The following SORT1 variants were observed in gnomAD, a reference collection of about 807,000 sequenced individuals.
SORT1 encodes the protein sortilin.
A neutral mutation model predicts 101.7 loss-of-function variants in SORT1; 39 were observed. The ratio of observed to expected loss-of-function variants is 0.38; its 90% confidence interval spans 0.30 to 0.50. SORT1 has a LOEUF of 0.50. Among genes scored for constraint, SORT1 ranks in the 20% least tolerant of loss-of-function variants. The pLI, the probability that SORT1 is intolerant of heterozygous loss-of-function variation, is 0.90. For synonymous variants in SORT1, 396 were observed against 393.7 expected (o/e 1.01, Z -0.07); for missense variants, 878 against 1,040.4 (o/e 0.84, Z 2.15).
At chr1:109,360,063 A>C (rs538480953) in intron 3 of SORT1, among the ~76,000 whole-genome samples, 1 of 152,316 alleles carries the variant, frequency 6.6e-6, no homozygotes, top group Non-Finnish European at 1.5e-5. Context: ...AAATACAGGC[A>C]AACTTCATGA....
chr1:109,317,002 T>C, intron 16 of SORT1, 44 bp from the exon 17 acceptor site: 1 of 1,231,350 alleles, frequency 8.1e-7, no homozygotes, highest in Non-Finnish European at 1.2e-6. Flanking sequence ...AAGGATGTAT[T>C]CCTGGGTACC....
intron 16 of SORT1, 49 bp downstream of exon 16, chr1:109,317,804 G>T: frequency 1.6e-6 from 2 of 1,232,850 alleles, no homozygotes; most frequent in Non-Finnish European, 1.2e-6. Context: ...CTTTCACTCT[G>T]AACAAGAACA....
intron 1 of SORT1, among the ~76,000 whole-genome samples, chr1:109,391,324 G>C (rs546075890): frequency 1.3e-5 from 2 of 152,236 alleles, no homozygotes; most frequent in South Asian, 4.2e-4. Context: ...AGTTTGACTG[G>C]GAAGTCAAAC....
rs11102970 is a variant in SORT1, at chr1:109,327,783, T to C, written c.1372-182A>G. 6.6e-3 allele frequency among the ~76,000 whole-genome samples: 1,008 copies of C among 152,346 alleles called. 9 individuals are homozygous for C. The highest frequency in any genetic ancestry group is 6.6e-3 in the Admixed American group (101 of 15,304). Reference sequence around the variant, plus strand: ...GTAGTGTTAAGTATATTCACATTGTTGTACAACCACATCTCTAAACTTTTT... The same window carrying C: ...GTAGTGTTAAGTATATTCACATTGTCGTACAACCACATCTCTAAACTTTTT... On this transcript the variant is annotated intron_variant, in intron 11 of 19. Transcript: ENST00000256637.
At chr1:109,356,838 C>A (rs563549935) in intron 3 of SORT1, among the ~76,000 whole-genome samples, 8 of 152,288 alleles carry the variant, frequency 5.3e-5, no homozygotes, top group African/African-American at 1.9e-4. Context: ...GCTGTCTAAC[C>A]CTGACAGGTT....
intron 11 of SORT1, among the ~76,000 whole-genome samples, chr1:109,335,254 A>G (rs1648732318): frequency 6.6e-6 from 1 of 152,142 alleles, no homozygotes; most frequent in African/African-American, 2.4e-5. Flanking sequence ...AGGCCAAGAG[A>G]GCCACAACGA....
chr1:109,352,642 C>G (rs1192203666), intron 5 of SORT1, among the ~76,000 whole-genome samples: 1 of 152,158 alleles, frequency 6.6e-6, no homozygotes, highest in African/African-American at 2.4e-5. Context: ...CCTGGTAATA[C>G]TCACATCCTA....
intron 3 of SORT1, among the ~76,000 whole-genome samples, chr1:109,362,132 G>A (rs533453106): frequency 6.6e-6 from 1 of 152,184 alleles, no homozygotes; most frequent in East Asian, 1.9e-4. Context: ...TAGTGCTATT[G>A]GCCATGAATT....
intron 3 of SORT1, among the ~76,000 whole-genome samples, chr1:109,359,548 G>A (rs1263133908): frequency 1.3e-5 from 2 of 152,126 alleles, no homozygotes; most frequent in Non-Finnish European, 2.9e-5. Flanking sequence ...TACCCAGGCT[G>A]GAGTGCAATG....
intron 10 of SORT1, 90 bp downstream of exon 10, chr1:109,340,634 C>A: frequency 7.5e-7 from 1 of 1,325,714 alleles, no homozygotes; most frequent in Non-Finnish European, 1.1e-6. Flanking sequence ...GCTTGGCAAG[C>A]AACATTACTA....
chr1:109,313,504 G>A lies in SORT1; in HGVS notation c.*539C>T, dbSNP rs1310258596. The A allele has an allele frequency of 6.4e-6, 1 of 155,202 alleles. No homozygotes were observed. The highest frequency in any genetic ancestry group is 2.4e-5 in the African/African-American group (1 of 41,438). The allele number at this position is 155,202 out of a possible 1,614,324, so 9.6% of individuals were successfully genotyped here. ...GTAAGTGGGATCTGTGTGAGGAGCTGGTGTGCAGTGTTCTTGGAGTAGGAC... is the reference window on the plus strand; with the variant it reads ...GTAAGTGGGATCTGTGTGAGGAGCTAGTGTGCAGTGTTCTTGGAGTAGGAC... On this transcript the variant is annotated 3_prime_UTR_variant, in exon 20 of 20. Transcript: ENST00000256637.
intron 3 of SORT1, among the ~76,000 whole-genome samples, chr1:109,360,819 A>G (rs925322846): frequency 6.6e-6 from 1 of 152,098 alleles, no homozygotes; most frequent in Non-Finnish European, 1.5e-5. Flanking sequence ...GCTTTGGGTG[A>G]TGGTCCCTTC....
At chr1:109,366,518 C>G (rs575690044) in intron 3 of SORT1, among the ~76,000 whole-genome samples, 1 of 152,340 alleles carries the variant, frequency 6.6e-6, no homozygotes, top group South Asian at 2.1e-4. Flanking sequence ...GCACTATACA[C>G]TCTTTCTTCA....
In SORT1 at chr1:109,316,894, A is replaced by G; in HGVS notation, c.2206T>C (p.Leu736=). The G allele has an allele frequency of 6.2e-7, 1 of 1,612,084 alleles. No individual in the cohort carries two copies. Among genetic ancestry groups the G allele is most frequent in the Non-Finnish European group, 8.5e-7 (1 of 1,179,224 alleles). The change falls in exon 17 of 20, where the codon TTG becomes CTG. Residue 736 remains leucine (L), a synonymous_variant. Coordinates refer to ENST00000256637, the MANE Select transcript of SORT1 (RefSeq NM_002959.7). ...GVNPVREVKD[L]KKKCTSNFLS... ...AAGTTGCTTGTGCATTTCTTTTTCA[A>G]GTCTTTTACTTCTCGAACTGGATTT...
intron 1 of SORT1, among the ~76,000 whole-genome samples, chr1:109,389,373 C>T (rs1486797950): frequency 2.0e-5 from 3 of 152,154 alleles, no homozygotes; most frequent in Non-Finnish European, 2.9e-5. Context: ...AACTATATTA[C>T]TTATAACTGG....
chr1:109,357,228 G>A (rs572276923), intron 3 of SORT1, among the ~76,000 whole-genome samples: 2 of 152,342 alleles, frequency 1.3e-5, no homozygotes, highest in South Asian at 2.1e-4. Context: ...AGGCTATACT[G>A]TCCAGGTGTG....
At chr1:109,384,988 G>A (rs1344929184) in intron 1 of SORT1, among the ~76,000 whole-genome samples, 2 of 152,146 alleles carry the variant, frequency 1.3e-5, no homozygotes, top group Non-Finnish European at 2.9e-5. Flanking sequence ...AGAGGCACGA[G>A]AATCCCTTGA....
intron 3 of SORT1, among the ~76,000 whole-genome samples, chr1:109,364,364 A>G (rs1650941677): frequency 1.3e-5 from 2 of 152,206 alleles, no homozygotes; most frequent in African/African-American, 4.8e-5. Context: ...GGCATTTAAC[A>G]AACAGCCTTT....
intron 17 of SORT1, 139 bp from the exon 18 acceptor site, chr1:109,314,917 C>T (rs966835533): frequency 8.9e-6 from 5 of 559,064 alleles, no homozygotes; most frequent in Non-Finnish European, 1.3e-5. Flanking sequence ...CTTTTCCAAC[C>T]CCCCAAGATG....
Sources: allele counts gnomAD v4.1 joint callset (sites outside exome capture counted in the v4.1 genomes callset), GRCh38; gene constraint gnomAD v4.1.1; transcripts MANE v1.5; gene names NCBI Gene and HGNC (gene_info 2026-07-23, HGNC 2026-07-21).